ACOT9: variants seen among roughly 807,000 people sequenced by gnomAD.
ACOT9 encodes the protein acyl-CoA thioesterase 9, also known as acyl-coenzyme A thioesterase 9, mitochondrial.
In ACOT9, 34 loss-of-function variants were observed where a neutral mutation model predicts 39.7. The observed-to-expected ratio is 0.86, with a 90% CI of 0.65 to 1.14. The LOEUF (loss-of-function observed/expected upper bound fraction) is 1.14. ACOT9 is among the 50% of genes most tolerant of loss of function. ACOT9 has a pLI of 0.00. For missense variants in ACOT9, 313 were observed against 344.1 expected, an observed-to-expected ratio of 0.91 and a Z score of 0.71; for synonymous variants, 110 against 120.5, an observed-to-expected ratio of 0.91 and a Z score of 0.57.
At chrX:23,734,748 G>A (rs1479877852) in intron 2 of ACOT9, among the ~76,000 whole-genome samples, 1 of 110,239 alleles carries the variant, frequency 9.1e-6, no homozygotes, top group Non-Finnish European at 1.9e-5. Context: ...AAGAATGGAT[G>A]GGGCCGAGGT....
chrX:23,728,933 A>G (rs1929628245), intron 6 of ACOT9, among the ~76,000 whole-genome samples: 1 of 110,921 alleles, frequency 9.0e-6, no homozygotes, highest in Admixed American at 9.7e-5. Flanking sequence ...GGACTGGGAC[A>G]CTCCTGGGAT....
intron 1 of ACOT9, among the ~76,000 whole-genome samples, chrX:23,736,733 C>A (rs1443412128): frequency 9.0e-6 from 1 of 110,838 alleles, no homozygotes; most frequent in African/African-American, 3.3e-5. Context: ...ATGGGAGGAT[C>A]ACTTGAACCC....
rs187355668 is a variant in ACOT9, at chrX:23,725,197, G to A, written c.401-2444C>T. On this transcript the variant is annotated intron_variant, in intron 6 of 15. Coordinates refer to ENST00000379303, the MANE Select transcript of ACOT9 (RefSeq NM_001037171.2). ...TAAAAATGATAAAGATGAGCCAGGC[G>A]CGGTGGCTCACACCTGTAATCCCAG... Among the ~76,000 whole-genome samples the A allele has an allele frequency of 3.6e-3, 401 of 110,527 alleles. 1 individual carries two copies. Among genetic ancestry groups the A allele is most frequent in the African/African-American group, 0.013 (386 of 30,440 alleles).
Position 23,713,169 on chromosome X carries a change from A to C in ACOT9, c.628T>G (p.Phe210Val). 1 of 1,209,562 alleles carries C rather than the reference A, an allele frequency of 8.3e-7. No homozygotes were observed. The highest frequency in any genetic ancestry group is 1.1e-6 in the Non-Finnish European group (1 of 893,504). The change falls in exon 9 of 16, where the codon TTT becomes GTT. Residue 210 changes from phenylalanine (F) to valine (V), a missense_variant. Phe to Val is a conservative substitution (Grantham distance 50). Coordinates refer to ENST00000379303, the MANE Select transcript of ACOT9 (RefSeq NM_001037171.2). ...TCAGAATCACGAGCCACCATTACAA[A>C]TGTTGCATCCAAAACAGGACAAAAT... The part of the protein sequence containing the change: ...DEFCPVLDAT[F>V]VMVARDSENK...
intron 15 of ACOT9, among the ~76,000 whole-genome samples, chrX:23,704,422 T>C (rs1438698476): frequency 9.4e-6 from 1 of 106,198 alleles, no homozygotes; most frequent in Non-Finnish European, 1.9e-5. Context: ...ACTCGTGATC[T>C]GCCCGTCTCG....
At position 23,738,288 on chromosome X, in the gene ACOT9, GAGTA is replaced by G. The variant is rs1353565107; in HGVS notation, c.21-2276_21-2273del. On this transcript the variant is annotated intron_variant, in intron 1 of 15. Coordinates refer to ENST00000379303, the MANE Select transcript of ACOT9 (RefSeq NM_001037171.2). ...TTCATATGCCTTACTGAAGGAAACA[GAGTA>G]AGTATTCCTTCATTCTTCCATCTCA... Among the ~76,000 whole-genome samples the G allele has an allele frequency of 2.7e-5, 3 of 109,975 alleles. No individual in the cohort carries two copies. The Admixed American group carries it at 2.9e-4, about 11-fold the overall frequency.
intron 1 of ACOT9, among the ~76,000 whole-genome samples, chrX:23,740,236 A>G (rs1235057110): frequency 4.6e-5 from 5 of 108,399 alleles, no homozygotes; most frequent in African/African-American, 1.7e-4. Flanking sequence ...CCTCCCGAGC[A>G]GCTGGGATTA....
At chrX:23,714,688 G>T (rs1485053868) in intron 8 of ACOT9, among the ~76,000 whole-genome samples, 3 of 111,047 alleles carry the variant, frequency 2.7e-5, no homozygotes, top group Non-Finnish European at 5.7e-5. Context: ...ACAGTGGCAT[G>T]ATCATGTCTC....
chrX:23,737,262 G>A (rs766514615), intron 1 of ACOT9, among the ~76,000 whole-genome samples: 12 of 110,548 alleles, frequency 1.1e-4, no homozygotes, highest in Non-Finnish European at 1.9e-4. Flanking sequence ...GCAGTGAGCC[G>A]AGAACACACC....
intron 9 of ACOT9, among the ~76,000 whole-genome samples, chrX:23,709,252 G>A (rs4828824): frequency 7.1e-3 from 785 of 111,288 alleles, no homozygotes; most frequent in Middle Eastern, 0.028. Context: ...AGTCAGCCGG[G>A]TGTGGTGGTA....
chrX:23,742,258 T>TAA (rs149500465), intron 1 of ACOT9, among the ~76,000 whole-genome samples: 2 of 82,576 alleles, frequency 2.4e-5, no homozygotes, highest in African/African-American at 1.1e-4. Context: ...GAGAGAGAGA[T>TAA]ATCCAGGACC....
intron 1 of ACOT9, among the ~76,000 whole-genome samples, chrX:23,738,029 G>A (rs983682310): frequency 9.7e-4 from 103 of 106,327 alleles, no homozygotes; most frequent in African/African-American, 3.4e-3. Flanking sequence ...CACCGCGCCC[G>A]GCTAATTTTT....
chrX:23,719,841 A>ATTT (rs758925800), intron 8 of ACOT9, among the ~76,000 whole-genome samples: 138 of 100,906 alleles, frequency 1.4e-3, no homozygotes, highest in African/African-American at 4.7e-3. Context: ...TGAATAAGTC[A>ATTT]TTTTTTTTTT....
In ACOT9 at chrX:23,737,887, T is replaced by TTA. The variant is rs750180443; in HGVS notation, c.21-1872_21-1871insTA. Among the ~76,000 whole-genome samples, 128 of 103,862 alleles carry TTA rather than the reference T, an allele frequency of 1.2e-3. 4 individuals are homozygous for TTA. The highest frequency in any genetic ancestry group is 4.9e-3 in the Middle Eastern group (1 of 205). The allele number at this position is 103,862 out of a possible 115,157, so 90.2% of individuals were successfully genotyped here. The stretch of plus-strand genomic sequence containing the variant: ...TAATATTTGTCTTTTTTTTTTTTTT[T>TTA]AGACAGAGTCTCGCTCTGTCGCCCA... On this transcript the variant is annotated intron_variant, in intron 1 of 15. Coordinates refer to ENST00000379303, the MANE Select transcript of ACOT9 (RefSeq NM_001037171.2).
At chrX:23,718,854 C>T (rs1011209436) in intron 8 of ACOT9, among the ~76,000 whole-genome samples, 7 of 91,162 alleles carry the variant, frequency 7.7e-5, no homozygotes, top group Non-Finnish European at 1.5e-4. Flanking sequence ...TGCAGTGAGC[C>T]GAGATCGCAC....
chrX:23,729,898 TG>T (rs1929670361), intron 6 of ACOT9, among the ~76,000 whole-genome samples: 1 of 111,810 alleles, frequency 8.9e-6, no homozygotes, highest in African/African-American at 3.2e-5. Context: ...CCCAAAGTGC[TG>T]GGATTATAGG....
At chrX:23,737,872 C>CTTT (rs761904560) in intron 1 of ACOT9, among the ~76,000 whole-genome samples, 4,442 of 75,137 alleles carry the variant, frequency 0.059, 112 homozygotes, top group African/African-American at 0.069. Context: ...TAATATTTGT[C>CTTT]TTTTTTTTTT....
Position 23,743,147 on chromosome X carries a change from C to CA in ACOT9, c.-4_-3insT. 1.7e-6 allele frequency: 2 copies of CA among 1,158,811 alleles called. No homozygotes were observed. The highest frequency in any genetic ancestry group is 1.2e-6 in the Non-Finnish European group (1 of 868,096). ...TACCGCAGTGCTGCCCGCCTCATTG[C>CA]GCTAGGCTGCCGTGCGCGCGATGGA... On this transcript the variant is annotated 5_prime_UTR_variant, in exon 1 of 16. Transcript: ENST00000379303.
chrX:23,710,949 CA>C (rs1436030814), intron 9 of ACOT9, among the ~76,000 whole-genome samples: 1 of 110,300 alleles, frequency 9.1e-6, no homozygotes, highest in African/African-American at 3.3e-5. Flanking sequence ...TGCAGTGAGC[CA>C]TGCTCATGAC....
Sources: gnomAD v4.1 joint callset for allele counts (sites outside exome capture counted in the v4.1 genomes callset) on GRCh38, gnomAD v4.1.1 for gene constraint, MANE v1.5 for transcripts, NCBI Gene and HGNC (gene_info 2026-07-23, HGNC 2026-07-21) for gene names.